CDC42BPB: variants seen among roughly 807,000 people sequenced by gnomAD.
CDC42BPB encodes the protein serine/threonine-protein kinase MRCK beta.
In CDC42BPB, 37 loss-of-function variants were observed where a neutral mutation model predicts 214.9. The ratio of observed to expected loss-of-function variants is 0.17; its 90% CI spans 0.13 to 0.23. The LOEUF is 0.23. Ranked by LOEUF, CDC42BPB falls within the 10% of genes least tolerant of loss-of-function variation. The probability of loss-of-function intolerance (pLI) is 1.00; values close to 1 mark genes in which losing one functional copy is unlikely to be tolerated. For synonymous variants in CDC42BPB, 931 were observed against 884.0 expected (o/e 1.05, Z -0.94); for missense variants, 1,694 against 2,227.0 (o/e 0.76, Z 4.82).
intron 22 of CDC42BPB, 57 bp from the exon 23 acceptor site, chr14:102,954,332 T>C: frequency 2.8e-6 from 4 of 1,444,238 alleles, no homozygotes; most frequent in South Asian, 2.8e-5. Context: ...CTGAGACACC[T>C]GGCCCTACGG....
At chr14:102,947,892 T>C (rs1892256791) in intron 26 of CDC42BPB, 90 bp from the exon 27 acceptor site, 3 of 1,598,178 alleles carry the variant, frequency 1.9e-6, no homozygotes, top group Non-Finnish European at 1.7e-6. Context: ...CCCTGCCATG[T>C]CCTTCCACCA....
intron 5 of CDC42BPB, among the ~76,000 whole-genome samples, chr14:102,986,991 A>G (rs1894273314): frequency 6.6e-6 from 1 of 152,228 alleles, no homozygotes; most frequent in Non-Finnish European, 1.5e-5. Flanking sequence ...GCAGGCTCAC[A>G]CGGTGCAAGC....
At chr14:102,995,930 G>T (rs1894709101) in intron 5 of CDC42BPB, among the ~76,000 whole-genome samples, 1 of 152,202 alleles carries the variant, frequency 6.6e-6, no homozygotes, top group Non-Finnish European at 1.5e-5. Context: ...TTTTTAGATT[G>T]CATCTGGGCA....
intron 27 of CDC42BPB, 21 bp from the exon 28 acceptor site, chr14:102,946,705 G>A (rs527364203): frequency 2.5e-6 from 4 of 1,610,448 alleles, no homozygotes; most frequent in East Asian, 2.2e-5. Flanking sequence ...GGAAACAGAA[G>A]AGAAGAGAGA....
At chr14:102,982,776 AAGAC>A (rs1317240277) in intron 7 of CDC42BPB, among the ~76,000 whole-genome samples, 3 of 152,032 alleles carry the variant, frequency 2.0e-5, no homozygotes, top group African/African-American at 4.8e-5. Context: ...AAAAGATAAA[AAGAC>A]AGGCAGGAGA....
At chr14:102,986,135 AC>A (rs991295461) in intron 6 of CDC42BPB, among the ~76,000 whole-genome samples, 1 of 152,080 alleles carries the variant, frequency 6.6e-6, no homozygotes. Context: ...ATGCCTGCCC[AC>A]CCGACCAGCC....
chr14:102,945,515 G>C, intron 29 of CDC42BPB, 147 bp downstream of exon 29: 1 of 661,824 alleles, frequency 1.5e-6, no homozygotes, highest in Admixed American at 2.4e-5. Context: ...CCATGCACTC[G>C]ATGCCGGTCT....
Position 103,055,196 on chromosome 14 carries a change from G to C in CDC42BPB, c.175+1803C>G, listed in dbSNP as rs1322533643. ...CCAGCACTTTGGGAGGCCGAGGCAGGTGGATCACCCGAGGTCAGGAGTACA... is the reference window on the plus strand; with the variant it reads ...CCAGCACTTTGGGAGGCCGAGGCAGCTGGATCACCCGAGGTCAGGAGTACA... On this transcript the variant is annotated intron_variant, in intron 1 of 36. Transcript: ENST00000361246. 3.3e-5 allele frequency among the ~76,000 whole-genome samples: 5 copies of C among 152,238 alleles called. No homozygotes were observed. The South Asian group carries it at 6.2e-4, about 19-fold the overall frequency.
intron 29 of CDC42BPB, chr14:102,945,414 C>A (rs1892112458): frequency 1.8e-6 from 1 of 551,812 alleles, no homozygotes; most frequent in Non-Finnish European, 3.4e-6. Flanking sequence ...TTCCTCCTCC[C>A]AGGGGGCTTT....
chr14:103,027,966 C>G (rs1399080374), intron 1 of CDC42BPB, among the ~76,000 whole-genome samples: 1 of 151,938 alleles, frequency 6.6e-6, no homozygotes, highest in Non-Finnish European at 1.5e-5. Context: ...CCCATCTCTA[C>G]TAAAAATACA....
At position 102,946,497 on chromosome 14, in the gene CDC42BPB, A is replaced by G; in HGVS notation, c.3719T>C (p.Ile1240Thr). The G allele has an allele frequency of 6.2e-7, 1 of 1,612,772 alleles. No homozygotes were observed. The highest frequency in any genetic ancestry group is 8.5e-7 in the Non-Finnish European group (1 of 1,179,954). ...LEAYDSSLPL[I>T]KAILTAAIVD... ...GATGGCAGCTGTCAGGATGGCCTTG[A>G]TGAGAGGCAGCGAGCTGTCGTAGGC... is the stretch of plus-strand genomic sequence containing the variant. The change falls in exon 28 of 37, where the codon ATC (isoleucine) becomes ACC (threonine). Residue 1240 changes from isoleucine (I) to threonine (T), a missense_variant. Ile to Thr is a moderately conservative substitution (Grantham distance 89, BLOSUM62 -1). Coordinates refer to ENST00000361246, the MANE Select transcript of CDC42BPB (RefSeq NM_006035.4).
At chr14:102,993,082 G>A (rs1018178766) in intron 5 of CDC42BPB, among the ~76,000 whole-genome samples, 5 of 151,948 alleles carry the variant, frequency 3.3e-5, no homozygotes, top group Non-Finnish European at 7.4e-5. Context: ...CACACACCTC[G>A]GCCTCCCAAA....
intron 2 of CDC42BPB, among the ~76,000 whole-genome samples, 177 bp downstream of exon 2, chr14:103,011,920 A>G (rs954675974): frequency 4.6e-5 from 7 of 152,188 alleles, no homozygotes; most frequent in African/African-American, 1.7e-4. Context: ...GTTCAAAGCC[A>G]GCCTGGGCAA....
intron 1 of CDC42BPB, among the ~76,000 whole-genome samples, chr14:103,014,096 G>A (rs1455271320): frequency 1.3e-5 from 2 of 151,594 alleles, no homozygotes; most frequent in African/African-American, 2.4e-5. Context: ...AACCTGGGAG[G>A]TGGAGCTTGC....
chr14:102,966,601 A>G (rs1893214307), intron 17 of CDC42BPB: 3 of 752,780 alleles, frequency 4.0e-6, no homozygotes, highest in Non-Finnish European at 4.9e-6. Flanking sequence ...CCAAACTTCC[A>G]AGACTCAAGA....
In CDC42BPB at chr14:102,933,806, T is replaced by C. The variant is rs1891505335; in HGVS notation, c.5042A>G (p.Asn1681Ser). ...CGGTGGGCCGCTGGGGTTGGAGCTA[T>C]TCGATGGAGTTGAGTGTTTGGTGGA... is the stretch of plus-strand genomic sequence containing the variant. The part of the protein sequence containing the change: ...SDSTKHSTPS[N>S]SSNPSGPPSP... Residue 1681 changes from asparagine to serine, a missense_variant, in exon 37 of 37, where the codon AAT (asparagine) becomes AGT (serine). This residue lies in a region of CDC42BPB where 146 missense variants were observed against 134.1 expected (regional missense o/e 1.09). Transcript: ENST00000361246. The C allele has an allele frequency of 6.6e-7, 1 of 1,514,106 alleles. No individual in the cohort carries two copies. The highest frequency in any genetic ancestry group is 8.8e-7 in the Non-Finnish European group (1 of 1,140,840). The allele number at this position is 1,514,106 out of a possible 1,614,324, so 93.8% of individuals were successfully genotyped here. A position where few individuals can be genotyped will look rare whatever the true frequency, so the allele number is the denominator to read the frequency against.
intron 14 of CDC42BPB, 146 bp from the exon 15 acceptor site, chr14:102,968,862 T>C (rs1893342689): frequency 6.8e-7 from 1 of 1,470,916 alleles, no homozygotes. Context: ...GTAGCTGACC[T>C]GGCTAACGTG....
At chr14:103,013,753 C>T (rs1381793500) in intron 1 of CDC42BPB, among the ~76,000 whole-genome samples, 1 of 152,218 alleles carries the variant, frequency 6.6e-6, no homozygotes, top group Non-Finnish European at 1.5e-5. Context: ...TCCCCGGAGC[C>T]TGCGAGGGAC....
At chr14:102,991,121 A>G (rs192164827) in intron 5 of CDC42BPB, among the ~76,000 whole-genome samples, 1 of 152,346 alleles carries the variant, frequency 6.6e-6, no homozygotes, top group Non-Finnish European at 1.5e-5. Context: ...CCCACAGGGA[A>G]AAAACTATAT....
Sources: allele counts gnomAD v4.1 joint callset (sites outside exome capture counted in the v4.1 genomes callset), GRCh38; gene constraint gnomAD v4.1.1; regional missense constraint gnomAD v4.1.1; transcripts MANE v1.5; gene names NCBI Gene and HGNC (gene_info 2026-07-23, HGNC 2026-07-21).